Variants in NSD2 observed in about 807,000 individuals in gnomAD.
The protein encoded by NSD2 is histone-lysine N-methyltransferase NSD2.
NSD2 carries 12 observed loss-of-function variants against 139.0 expected under a neutral mutation model. That is an observed-to-expected ratio of 0.09 (90% confidence interval 0.06 to 0.14). The LOEUF is 0.14. Ranked by LOEUF, NSD2 falls within the 10% of genes least tolerant of loss-of-function variation. The pLI is 1.00. For missense variants in NSD2, 1,155 were observed against 1,745.0 expected, an observed-to-expected ratio of 0.66 and a Z score of 6.02; for synonymous variants, 669 against 648.7, an observed-to-expected ratio of 1.03 and a Z score of -0.48.
intron 1 of NSD2, among the ~76,000 whole-genome samples, chr4:1,878,251 ATTTTTTTTTTTTTTTTT>A (rs71589624): frequency 2.5e-3 from 72 of 29,298 alleles, no homozygotes; most frequent in African/African-American, 8.8e-4. Context: ...ATATATATAT[ATTTTTTTTTTTTTTTTT>A]TTTTTTTTTT....
Position 1,900,903 on chromosome 4 carries a change from T to A in NSD2, c.249T>A (p.Thr83=), listed in dbSNP as rs1717072816. The A allele has an allele frequency of 1.2e-6, 2 of 1,613,520 alleles. No homozygotes were observed. ...CAGCCGACAAGCTGAAAGATCTTAC[T>A]TCCCGGGTGTTTAATGGAGAACCCG... ...FIPADKLKDL[T]SRVFNGEPGA... Residue 83 remains threonine (T), a synonymous_variant, in exon 2 of 22, where the codon ACT becomes ACA. Transcript: ENST00000508803.
chr4:1,978,999 A>C lies in NSD2; in HGVS notation c.*90A>C. The C allele has an allele frequency of 1.4e-6, 2 of 1,416,136 alleles. No individual in the cohort carries two copies. The highest frequency in any genetic ancestry group is 1.8e-6 in the Non-Finnish European group (2 of 1,082,896). The allele number at this position is 1,416,136 out of a possible 1,614,324, so 87.7% of individuals were successfully genotyped here. On this transcript the variant is annotated 3_prime_UTR_variant, in exon 22 of 22. Coordinates refer to ENST00000508803, the MANE Select transcript of NSD2 (RefSeq NM_001042424.3). ...GGGCGAGCATGAACTGGCCCGGAGGACCCAGCTCGAGCCGCCAGGACACAG... is the reference window on the plus strand; with the variant it reads ...GGGCGAGCATGAACTGGCCCGGAGGCCCCAGCTCGAGCCGCCAGGACACAG...
chr4:1,959,844 T>C (rs1447867596), intron 17 of NSD2, 104 bp downstream of exon 17: 15 of 1,483,658 alleles, frequency 1.0e-5, no homozygotes, highest in Non-Finnish European at 1.4e-5. Context: ...GAGAATGGTA[T>C]TTTTTGGAAA....
chr4:1,942,858 GAT>G lies in NSD2; in HGVS notation c.1881+3085_1881+3086del, dbSNP rs770123143. ...CATCAGCTGTTCTCATTGCCAGTGA[GAT>G]ATATTCAGTATTGTAGATACTACAC... is the stretch of plus-strand genomic sequence containing the variant. On this transcript the variant is annotated intron_variant, in intron 9 of 21. Transcript: ENST00000508803. The surrounding 1 kb of genome is among the most constrained non-coding windows in gnomAD (Gnocchi z 4.0). 4.9e-4 allele frequency: 526 copies of G among 1,065,196 alleles called. 1 individual carries two copies. Among genetic ancestry groups the G allele is most frequent in the Non-Finnish European group, 5.7e-4 (504 of 879,062 alleles). 66.0% of individuals were successfully genotyped at this position (1,065,196 alleles called of 1,614,324 possible).
intron 10 of NSD2, among the ~76,000 whole-genome samples, chr4:1,951,443 TAC>T (rs71167763): frequency 4.0e-4 from 40 of 101,004 alleles, no homozygotes; most frequent in African/African-American, 1.2e-3. Context: ...CATCATGTAA[TAC>T]ACACACACAC....
At chr4:1,875,693 G>A (rs936680123) in intron 1 of NSD2, among the ~76,000 whole-genome samples, 6 of 151,674 alleles carry the variant, frequency 4.0e-5, no homozygotes, top group East Asian at 1.9e-4. Context: ...ACGAGGTCAG[G>A]AGGTCGAGAC....
intron 3 of NSD2, among the ~76,000 whole-genome samples, chr4:1,907,127 C>T (rs561877147): frequency 2.6e-5 from 4 of 152,216 alleles, no homozygotes; most frequent in African/African-American, 4.8e-5. Context: ...AACTTAATCT[C>T]GCTAAGCTTC....
intron 18 of NSD2, among the ~76,000 whole-genome samples, chr4:1,966,748 G>A (rs551182199): frequency 6.6e-6 from 1 of 150,886 alleles, no homozygotes; most frequent in African/African-American, 2.4e-5. Context: ...CTAACATTTT[G>A]TTTTCTATAT....
chr4:1,961,722 A>T (rs980078372), intron 18 of NSD2, among the ~76,000 whole-genome samples: 2 of 152,216 alleles, frequency 1.3e-5, no homozygotes, highest in South Asian at 4.1e-4. Flanking sequence ...TCTGGGCCTG[A>T]TGCCCAATCC....
chr4:1,880,115 G>A (rs934280665), intron 1 of NSD2, among the ~76,000 whole-genome samples: 2 of 152,120 alleles, frequency 1.3e-5, no homozygotes, highest in Non-Finnish European at 2.9e-5. Flanking sequence ...TAAAATATGT[G>A]TTAGAAATAG....
chr4:1,942,425 T>C lies in NSD2; in HGVS notation c.1881+2647T>C. On this transcript the variant is annotated intron_variant, in intron 9 of 21. Transcript: ENST00000508803. This position sits in a 1 kb window ranked among gnomAD's most constrained non-coding sequence, Gnocchi z 4.0. ...AGAATGATGTAATATTCCAGGATGCTGCTGCAGGTGGCGTATCATCGTACA... is the reference window on the plus strand; with the variant it reads ...AGAATGATGTAATATTCCAGGATGCCGCTGCAGGTGGCGTATCATCGTACA... The C allele has an allele frequency of 6.2e-7, 1 of 1,603,630 alleles. No homozygotes were observed. The highest frequency in any genetic ancestry group is 1.1e-5 in the South Asian group (1 of 88,464).
intron 5 of NSD2, among the ~76,000 whole-genome samples, chr4:1,927,025 A>G (rs190845153): frequency 1.0e-3 from 159 of 152,282 alleles, no homozygotes; most frequent in Non-Finnish European, 2.1e-3. Context: ...TTGAAGTTGC[A>G]TTTAAGATGT....
chr4:1,925,106 T>C (rs530590807), intron 5 of NSD2, among the ~76,000 whole-genome samples: 1 of 152,368 alleles, frequency 6.6e-6, no homozygotes, highest in African/African-American at 2.4e-5. Flanking sequence ...CTTTAACTGT[T>C]CTGTAATAAG....
chr4:1,897,621 A>AATTTT (rs1716539593), intron 1 of NSD2, among the ~76,000 whole-genome samples: 1 of 152,100 alleles, frequency 6.6e-6, no homozygotes, highest in South Asian at 2.1e-4. Flanking sequence ...CTCTACAAAA[A>AATTTT]ATTTTATTTT....
At chr4:1,961,984 A>G (rs1306110232) in intron 18 of NSD2, among the ~76,000 whole-genome samples, 1 of 152,270 alleles carries the variant, frequency 6.6e-6, no homozygotes, top group Non-Finnish European at 1.5e-5. Context: ...GTAGATTAAT[A>G]GTAGTGCTTG....
At chr4:1,957,171 C>T (rs1323046503) in intron 15 of NSD2, among the ~76,000 whole-genome samples, 1 of 152,110 alleles carries the variant, frequency 6.6e-6, no homozygotes, top group Non-Finnish European at 1.5e-5. Context: ...GGCTGGCCTC[C>T]TTCTTGGGAC....
intron 1 of NSD2, among the ~76,000 whole-genome samples, chr4:1,874,176 G>A (rs1376491343): frequency 6.6e-6 from 1 of 152,074 alleles, no homozygotes; most frequent in Non-Finnish European, 1.5e-5. Context: ...TTGTTTTTTG[G>A]TGGGCTGCTC....
chr4:1,879,825 TGTGTG>T (rs1033978636), intron 1 of NSD2, among the ~76,000 whole-genome samples: 3 of 85,418 alleles, frequency 3.5e-5, no homozygotes, highest in African/African-American at 2.5e-4. Context: ...CCATGGCACT[TGTGTG>T]TGTGTGTGTG....
chr4:1,955,572 C>G lies in NSD2; in HGVS notation c.2519-121C>G, dbSNP rs1446047680. 7.6e-7 allele frequency: 1 copy of G among 1,307,372 alleles called. No individual in the cohort carries two copies. Among genetic ancestry groups the G allele is most frequent in the African/African-American group, 1.5e-5 (1 of 67,416 alleles). The allele number at this position is 1,307,372 out of a possible 1,614,324, so 81.0% of individuals were successfully genotyped here. On this transcript the variant is annotated intron_variant, in intron 13 of 21. Coordinates refer to ENST00000508803, the MANE Select transcript of NSD2 (RefSeq NM_001042424.3). The surrounding 1 kb of genome is among the most constrained non-coding windows in gnomAD (Gnocchi z 4.7). ...TTTGCTCTCGTGCTGATGTACAGAT[C>G]GCTGTTTTAAAACTGATGTTTATAA...
Sources: allele counts gnomAD v4.1 joint callset (sites outside exome capture counted in the v4.1 genomes callset), GRCh38; gene constraint gnomAD v4.1.1; non-coding constraint Gnocchi (gnomAD v3.1); transcripts MANE v1.5; gene names NCBI Gene and HGNC (gene_info 2026-07-23, HGNC 2026-07-21).